RTEL1: variants seen among roughly 807,000 people sequenced by gnomAD.
RTEL1 encodes regulator of telomere length.
RTEL1 carries 86 observed loss-of-function variants against 162.2 expected under a neutral mutation model. That is an observed-to-expected ratio of 0.53 (90% CI 0.45 to 0.63). RTEL1 has a LOEUF of 0.63. Among genes scored for constraint, RTEL1 ranks in the 30% least tolerant of loss-of-function variants. The probability of loss-of-function intolerance (pLI) is 0.00; values close to 1 mark genes in which losing one functional copy is unlikely to be tolerated. For synonymous variants in RTEL1, 958 were observed against 717.9 expected, an observed-to-expected ratio of 1.33 and a Z score of -5.35; for missense variants, 1,941 against 1,750.2, an observed-to-expected ratio of 1.11 and a Z score of -1.95.
intron 12 of RTEL1, among the ~76,000 whole-genome samples, chr20:63,678,963 C>G (rs1384708031): frequency 6.6e-6 from 1 of 152,196 alleles, no homozygotes; most frequent in Non-Finnish European, 1.5e-5. Context: ...CCTGCAGTTT[C>G]TCCTCCTCCA....
In RTEL1 at chr20:63,696,116, C is replaced by CA. The variant is rs2090974120; in HGVS notation, c.*258_*259insA. The CA allele has an allele frequency of 1.8e-6, 1 of 543,318 alleles. No homozygotes were observed. Among genetic ancestry groups the CA allele is most frequent in the African/African-American group, 1.9e-5 (1 of 52,260 alleles). The allele number at this position is 543,318 out of a possible 1,614,324, so 33.7% of individuals were successfully genotyped here. On this transcript the variant is annotated 3_prime_UTR_variant, in exon 35 of 35. Transcript: ENST00000360203. The stretch of plus-strand genomic sequence containing the variant: ...TGCTTCCCCAGAACTTCCCTGGCTC[C>CA]TGGCCTGTGAGTGGTGCCACAGGGG...
intron 21 of RTEL1, chr20:63,688,842 C>A: frequency 1.5e-6 from 1 of 645,634 alleles, no homozygotes; most frequent in East Asian, 2.7e-5. Context: ...TAGTCGGCCA[C>A]CCTGGCCCTG....
In RTEL1 at chr20:63,695,147, G is replaced by A. The variant is rs867830180; in HGVS notation, c.3425G>A (p.Gly1142Asp). The A allele has an allele frequency of 6.2e-7, 1 of 1,612,428 alleles. No homozygotes were observed. The highest frequency in any genetic ancestry group is 8.5e-7 in the Non-Finnish European group (1 of 1,179,846). The change falls in exon 33 of 35, where the codon GGC becomes GAC. Residue 1142 changes from glycine (G) to aspartate (D), a missense_variant. Transcript: ENST00000360203. ...CTDLTGRPYP[G>D]MEPPGPQEER... ...GACCTGACCGGCCGGCCCTACCCGG[G>A]CATGGAGCCACCGGGACCCCAGGAG...
At position 63,695,429 on chromosome 20, in the gene RTEL1, G is replaced by C; in HGVS notation, c.3601G>C (p.Gly1201Arg). 6.4e-7 allele frequency: 1 copy of C among 1,569,616 alleles called. No individual in the cohort carries two copies. Among genetic ancestry groups the C allele is most frequent in the Non-Finnish European group, 8.6e-7 (1 of 1,156,866 alleles). Reference sequence around the variant, plus strand: ...TGTGGGGGCGGGCGGTGAGGATGCAGGTCCCAGCCAGTCCTCAGGACCTCC... The same window carrying C: ...TGTGGGGGCGGGCGGTGAGGATGCACGTCCCAGCCAGTCCTCAGGACCTCC... ...GTVGAGGEDA[G>R]PSQSSGPPHG... Residue 1201 changes from glycine (G) to arginine (R), a missense_variant, in exon 34 of 35, where the codon GGT becomes CGT. Transcript: ENST00000360203.
In RTEL1 at chr20:63,688,045, C is replaced by CA; in HGVS notation, c.1591dup (p.Arg531LysfsTer135). 2 of 1,612,722 alleles carry CA rather than the reference C, an allele frequency of 1.2e-6. No individual in the cohort carries two copies. The highest frequency in any genetic ancestry group is 1.7e-6 in the Non-Finnish European group (2 of 1,179,926). On this transcript the variant is annotated frameshift_variant, in exon 18 of 35. Transcript: ENST00000360203. LOFTEE classifies it high-confidence loss of function. ...GAGCCCAGTTGAGCTCCGCGTTTGA[C>CA]AGACGGTGAGGGCCTGTCCCTGGGC...
rs1419931917 is a variant in RTEL1, at chr20:63,661,724, A to AC, written c.302-124dup. ...TGCCCACTTCACCCATTTTTGATAA[A>AC]CCAGTATCTGGGGTGTCAGATTCTT... On this transcript the variant is annotated intron_variant, in intron 3 of 34. Coordinates refer to ENST00000360203, the MANE Select transcript of RTEL1 (RefSeq NM_001283009.2). This position sits in a 1 kb window ranked among gnomAD's most constrained non-coding sequence, Gnocchi z 5.1. 23 of 946,032 alleles carry AC rather than the reference A, an allele frequency of 2.4e-5. No individual in the cohort carries two copies. The highest frequency in any genetic ancestry group is 3.5e-5 in the Non-Finnish European group (21 of 608,440). 58.6% of individuals were successfully genotyped at this position (946,032 alleles called of 1,614,324 possible). A position where few individuals can be genotyped will look rare whatever the true frequency, so the allele number is the denominator to read the frequency against.
At chr20:63,676,007 G>A (rs973163050) in intron 10 of RTEL1, among the ~76,000 whole-genome samples, 7 of 152,314 alleles carry the variant, frequency 4.6e-5, no homozygotes, top group African/African-American at 9.6e-5. Flanking sequence ...AGTGGGGGAC[G>A]TGTGGTGGGG....
chr20:63,687,627 C>T lies in RTEL1; in HGVS notation c.1349-11C>T. On this transcript the variant is annotated splice_polypyrimidine_tract_variant and intron_variant, in intron 16 of 34. Transcript: ENST00000360203. ...CACACTCTGTGCCCTCTGCCGCCCC[C>T]CGCCCCACAGGGAAGGTGCTGAGCT... The T allele has an allele frequency of 1.3e-6, 2 of 1,599,934 alleles. No homozygotes were observed. The highest frequency in any genetic ancestry group is 1.1e-5 in the South Asian group (1 of 89,650).
chr20:63,695,299 C>A, intron 33 of RTEL1, 29 bp from the exon 34 acceptor site: 4 of 1,582,614 alleles, frequency 2.5e-6, no homozygotes, highest in Non-Finnish European at 3.4e-6. Flanking sequence ...AGCCCCAGGC[C>A]CCCCTCAGAC....
intron 14 of RTEL1, among the ~76,000 whole-genome samples, chr20:63,683,632 C>T (rs1013195617): frequency 2.6e-5 from 4 of 152,308 alleles, no homozygotes; most frequent in African/African-American, 4.8e-5. Context: ...TGAATGATTC[C>T]GGCTTCTTGG....
chr20:63,658,456 A>G lies in RTEL1; in HGVS notation c.-181A>G, dbSNP rs2089952985. On this transcript the variant is annotated 5_prime_UTR_variant, in exon 1 of 35. Coordinates refer to ENST00000360203, the MANE Select transcript of RTEL1 (RefSeq NM_001283009.2). ...CGGTTCTGGAAGGTTCGCCGCGGAGACAAGTGAGCAGTGAGTCGCAGTGAC... is the reference window on the plus strand; with the variant it reads ...CGGTTCTGGAAGGTTCGCCGCGGAGGCAAGTGAGCAGTGAGTCGCAGTGAC... The G allele has an allele frequency of 6.6e-6, 1 of 152,420 alleles. No homozygotes were observed. Among genetic ancestry groups the G allele is most frequent in the Non-Finnish European group, 1.5e-5 (1 of 68,080 alleles). 9.4% of individuals were successfully genotyped at this position (152,420 alleles called of 1,614,324 possible). A position where few individuals can be genotyped will look rare whatever the true frequency, so the allele number is the denominator to read the frequency against.
intron 14 of RTEL1, chr20:63,680,971 C>T: frequency 1.0e-6 from 1 of 985,374 alleles, no homozygotes; most frequent in Non-Finnish European, 1.2e-6. Flanking sequence ...ACGCAAAGGA[C>T]AGTGGGGGCC....
At chr20:63,690,974 C>A in intron 27 of RTEL1, 27 bp downstream of exon 27, 1 of 1,536,390 alleles carries the variant, frequency 6.5e-7, no homozygotes, top group Admixed American at 2.0e-5. Flanking sequence ...TTGGGATGGA[C>A]ACAGACCCTC....
rs1405032353 is a variant in RTEL1, at chr20:63,689,123, C to T, written c.1869C>T (p.Cys623=). The T allele has an allele frequency of 1.5e-5, 24 of 1,609,196 alleles. No homozygotes were observed. Among genetic ancestry groups the T allele is most frequent in the East Asian group, 6.7e-5 (3 of 44,880 alleles). ...CCGGCGCCACCTTCCTGGCGGTCTG[C>T]CGGGGCAAGGTGAGCTCTCCAGGGC... ...GSTGATFLAV[C]RGKASEGLDF... Residue 623 remains cysteine, a synonymous_variant, in exon 22 of 35, where the codon TGC becomes TGT. Coordinates refer to ENST00000360203, the MANE Select transcript of RTEL1 (RefSeq NM_001283009.2).
chr20:63,688,690 C>T (rs2090652702), intron 21 of RTEL1, 85 bp downstream of exon 21: 2 of 1,312,448 alleles, frequency 1.5e-6, no homozygotes, highest in South Asian at 1.3e-5. Flanking sequence ...GACCACTGGC[C>T]CTGACCATGG....
chr20:63,693,061 G>C (rs769246088), intron 29 of RTEL1, 58 bp downstream of exon 29: 8 of 1,609,698 alleles, frequency 5.0e-6, no homozygotes, highest in African/African-American at 1.3e-5. Flanking sequence ...CGCGTGTGGG[G>C]TGGGGGCCAT....
chr20:63,683,242 A>C (rs1418486581), intron 14 of RTEL1, among the ~76,000 whole-genome samples: 1 of 152,234 alleles, frequency 6.6e-6, no homozygotes, highest in Non-Finnish European at 1.5e-5. Context: ...CTGGGATTAC[A>C]GGCAAGAGCT....
intron 2 of RTEL1, 23 bp downstream of exon 2, chr20:63,659,527 A>G (rs1438593210): frequency 8.3e-6 from 13 of 1,562,574 alleles, no homozygotes; most frequent in Non-Finnish European, 1.1e-5. Context: ...CCCCGAGGAA[A>G]GGACTGCGGG....
At chr20:63,676,473 A>G (rs2090351312) in intron 10 of RTEL1, among the ~76,000 whole-genome samples, 1 of 152,096 alleles carries the variant, frequency 6.6e-6, no homozygotes, top group African/African-American at 2.4e-5. Flanking sequence ...GTTTCTTCCC[A>G]TGTGAACATT....
Sources: allele counts gnomAD v4.1 joint callset (sites outside exome capture counted in the v4.1 genomes callset), GRCh38; gene constraint gnomAD v4.1.1; non-coding constraint Gnocchi (gnomAD v3.1); transcripts MANE v1.5; gene names NCBI Gene and HGNC (gene_info 2026-07-23, HGNC 2026-07-21).